MDH2: variants seen among roughly 807,000 people sequenced by gnomAD.
MDH2 encodes the protein malate dehydrogenase 2, also known as malate dehydrogenase, mitochondrial.
MDH2 carries 25 observed loss-of-function variants against 33.6 expected under a neutral mutation model. The ratio of observed to expected loss-of-function variants is 0.74; its 90% confidence interval spans 0.54 to 1.04. MDH2 has a LOEUF of 1.04. Among genes scored for constraint, MDH2 ranks in the 50% least tolerant of loss-of-function variants. The pLI, the probability that MDH2 is intolerant of heterozygous loss-of-function variation, is 0.00. For synonymous variants in MDH2, 193 were observed against 188.7 expected (o/e 1.02, Z -0.19); for missense variants, 432 against 445.0 (o/e 0.97, Z 0.26).
Position 76,060,356 on chromosome 7 carries a change from T to C in MDH2, c.430-17T>C. On this transcript the variant is annotated splice_polypyrimidine_tract_variant and intron_variant, in intron 4 of 8. Coordinates refer to ENST00000315758, the MANE Select transcript of MDH2 (RefSeq NM_005918.4). ...CGGAACCCAGGGCAAGCCATGCCTG[T>C]CTGTTGGATGTCCTAGGTTAATTCC... is the stretch of plus-strand genomic sequence containing the variant. 6.2e-7 allele frequency: 1 copy of C among 1,613,588 alleles called. No homozygotes were observed. Among genetic ancestry groups the C allele is most frequent in the Non-Finnish European group, 8.5e-7 (1 of 1,179,684 alleles).
intron 8 of MDH2, among the ~76,000 whole-genome samples, chr7:76,065,348 A>T (rs782054186): frequency 1.8e-4 from 27 of 152,076 alleles, no homozygotes; most frequent in Non-Finnish European, 3.1e-4. Flanking sequence ...AGTGTGCCCC[A>T]TCCAGACAGC....
chr7:76,052,485 C>G (rs1308512486), intron 1 of MDH2, among the ~76,000 whole-genome samples: 1 of 151,242 alleles, frequency 6.6e-6, no homozygotes, highest in African/African-American at 2.4e-5. Flanking sequence ...ATCCTCCACC[C>G]TGGTGGGATT....
chr7:76,066,520 T>C lies in MDH2; in HGVS notation c.*110T>C. ...ATTTGCTTTGGTGATGATTACTGTATTGACATCATCATGCCTTCCAAATTG... is the reference window on the plus strand; with the variant it reads ...ATTTGCTTTGGTGATGATTACTGTACTGACATCATCATGCCTTCCAAATTG... On this transcript the variant is annotated 3_prime_UTR_variant, in exon 9 of 9. Coordinates refer to ENST00000315758, the MANE Select transcript of MDH2 (RefSeq NM_005918.4). 1 of 1,332,240 alleles carries C rather than the reference T, an allele frequency of 7.5e-7. No individual in the cohort carries two copies. The highest frequency in any genetic ancestry group is 9.9e-7 in the Non-Finnish European group (1 of 1,009,042). 82.5% of individuals were successfully genotyped at this position (1,332,240 alleles called of 1,614,324 possible). A position where few individuals can be genotyped will look rare whatever the true frequency, so the allele number is the denominator to read the frequency against.
At chr7:76,060,222 A>C (rs1797906980) in intron 4 of MDH2, 151 bp from the exon 5 acceptor site, 1 of 1,004,198 alleles carries the variant, frequency 1.0e-6, no homozygotes, top group African/African-American at 1.7e-5. Flanking sequence ...GTGGCTTGCC[A>C]GTACAGAGTT....
intron 5 of MDH2, among the ~76,000 whole-genome samples, chr7:76,062,135 A>G (rs1386733662): frequency 6.6e-6 from 1 of 152,198 alleles, no homozygotes; most frequent in East Asian, 1.9e-4. Context: ...TTCCTGGATC[A>G]TATCAAGAAT....
chr7:76,062,247 T>G (rs1797975630), intron 5 of MDH2, among the ~76,000 whole-genome samples: 1 of 152,248 alleles, frequency 6.6e-6, no homozygotes, highest in South Asian at 2.1e-4. Flanking sequence ...GCCAATGCCT[T>G]GTTCCCGTTT....
intron 4 of MDH2, among the ~76,000 whole-genome samples, chr7:76,058,801 A>G (rs983943227): frequency 6.6e-6 from 1 of 152,208 alleles, no homozygotes; most frequent in Admixed American, 6.5e-5. Context: ...CACAAGCATC[A>G]TGATCCCTCA....
intron 1 of MDH2, among the ~76,000 whole-genome samples, chr7:76,053,360 G>C (rs1402671522): frequency 2.0e-5 from 3 of 152,164 alleles, no homozygotes; most frequent in Non-Finnish European, 4.4e-5. Flanking sequence ...CAAGATGTGG[G>C]AGTGAGAGCT....
chr7:76,054,845 G>C lies in MDH2; in HGVS notation c.82G>C (p.Ala28Pro). ...STSAQNNAKV[A>P]VLGASGGIGQ... Reference sequence around the variant, plus strand: ...CTCTTTTTAGAACAATGCTAAAGTAGCTGTGCTAGGGGCCTCTGGAGGCAT... The same window carrying C: ...CTCTTTTTAGAACAATGCTAAAGTACCTGTGCTAGGGGCCTCTGGAGGCAT... The change falls in exon 2 of 9, where the codon GCT (alanine) becomes CCT (proline). Residue 28 changes from alanine to proline, a missense_variant. Coordinates refer to ENST00000315758, the MANE Select transcript of MDH2 (RefSeq NM_005918.4). 1 of 1,613,868 alleles carries C rather than the reference G, an allele frequency of 6.2e-7. No individual in the cohort carries two copies. Among genetic ancestry groups the C allele is most frequent in the African/African-American group, 1.3e-5 (1 of 75,014 alleles).
intron 1 of MDH2, chr7:76,049,015 G>A: frequency 1.1e-6 from 1 of 932,238 alleles, no homozygotes; most frequent in Non-Finnish European, 1.3e-6. Context: ...TTTTTACCAG[G>A]TGAATCTAAT....
intron 1 of MDH2, among the ~76,000 whole-genome samples, chr7:76,052,555 T>C (rs2116653553): frequency 6.6e-6 from 1 of 151,618 alleles, no homozygotes; most frequent in South Asian, 2.1e-4. Flanking sequence ...CATGAAAGCT[T>C]TGGAAGATTT....
In MDH2 at chr7:76,057,394, G is replaced by C; in HGVS notation, c.236-16G>C. ...TCAGAAACGGTGACATTTCTCTTGT[G>C]GGGTGTTTGTTCTAGGCTACCTCGG... is the stretch of plus-strand genomic sequence containing the variant. On this transcript the variant is annotated splice_polypyrimidine_tract_variant and intron_variant, in intron 2 of 8. Transcript: ENST00000315758. 6.2e-7 allele frequency: 1 copy of C among 1,613,874 alleles called. No homozygotes were observed. Among genetic ancestry groups the C allele is most frequent in the Non-Finnish European group, 8.5e-7 (1 of 1,179,886 alleles).
chr7:76,060,589 G>A, intron 5 of MDH2, 91 bp downstream of exon 5: 2 of 1,541,588 alleles, frequency 1.3e-6, no homozygotes, highest in Non-Finnish European at 1.8e-6. Flanking sequence ...ATGAAGGCAT[G>A]CCCAGGTCAC....
chr7:76,055,732 G>C (rs1352243599), intron 2 of MDH2, among the ~76,000 whole-genome samples: 2 of 123,124 alleles, frequency 1.6e-5, no homozygotes, highest in African/African-American at 6.5e-5. Context: ...GTGAGACACT[G>C]TTTCCAAAAA....
At chr7:76,057,839 C>A in intron 3 of MDH2, 130 bp from the exon 4 acceptor site, 2 of 791,284 alleles carry the variant, frequency 2.5e-6, no homozygotes, top group Non-Finnish European at 4.1e-6. Flanking sequence ...ATTTACCCTG[C>A]AAGAGGGACT....
intron 5 of MDH2, among the ~76,000 whole-genome samples, chr7:76,061,605 G>A (rs917129885): frequency 5.9e-5 from 9 of 151,620 alleles, no homozygotes; most frequent in Non-Finnish European, 1.3e-4. Context: ...GCGCCACTGC[G>A]CTCCAGCCTG....
At chr7:76,051,351 C>T (rs144486980) in intron 1 of MDH2, among the ~76,000 whole-genome samples, 25,921 of 145,762 alleles carry the variant, frequency 0.18, 2,579 homozygotes, top group East Asian at 0.29. Context: ...GACGGAGTTC[C>T]GCTCTTGTTG....
chr7:76,054,921 T>C lies in MDH2; in HGVS notation c.158T>C (p.Leu53Pro). The C allele has an allele frequency of 6.2e-7, 1 of 1,614,178 alleles. No homozygotes were observed. Among genetic ancestry groups the C allele is most frequent in the Non-Finnish European group, 8.5e-7 (1 of 1,180,024 alleles). ...AAGAACAGCCCCTTGGTGAGCCGCC[T>C]GACCCTCTATGATATCGCGCACACA... ...LLKNSPLVSR[L>P]TLYDIAHTPG... The change falls in exon 2 of 9, where the codon CTG becomes CCG. Residue 53 changes from leucine to proline, a missense_variant. Transcript: ENST00000315758.
At chr7:76,052,430 C>CAAAAAAA (rs57185949) in intron 1 of MDH2, among the ~76,000 whole-genome samples, 1 of 128,754 alleles carries the variant, frequency 7.8e-6, no homozygotes, top group Non-Finnish European at 1.6e-5. Context: ...GACCCTATCT[C>CAAAAAAA]AAAAAAAAAA....
Sources: allele counts gnomAD v4.1 joint callset (sites outside exome capture counted in the v4.1 genomes callset), GRCh38; gene constraint gnomAD v4.1.1; transcripts MANE v1.5; gene names NCBI Gene and HGNC (gene_info 2026-07-23, HGNC 2026-07-21).